CCDC85C: variants seen among roughly 807,000 people sequenced by gnomAD.
The protein encoded by CCDC85C is coiled-coil domain-containing protein 85C.
In CCDC85C, 18 loss-of-function variants were observed where a neutral mutation model predicts 38.3. The ratio of observed to expected loss-of-function variants is 0.47; its 90% CI spans 0.33 to 0.70. The LOEUF is 0.70. Ranked by LOEUF, CCDC85C falls within the 30% of genes least tolerant of loss-of-function variation. CCDC85C has a pLI of 0.03. For synonymous variants in CCDC85C, 264 were observed against 293.8 expected (o/e 0.90, Z 1.04); for missense variants, 566 against 621.2 (o/e 0.91, Z 0.94).
rs570642392 is a variant in CCDC85C, at chr14:99,526,280, C to A, written c.868-4040G>T. ...ACATCCACCCTCAGAGCAATGGGAA[C>A]CTGGGCAGGAAAAAGCCACATGAGC... On this transcript the variant is annotated intron_variant, in intron 2 of 5. Transcript: ENST00000380243. Among the ~76,000 whole-genome samples, 4 of 152,330 alleles carry A rather than the reference C, an allele frequency of 2.6e-5. No homozygotes were observed. The East Asian group carries it at 7.7e-4, about 29-fold the overall frequency.
At chr14:99,534,635 C>T (rs1289293507) in intron 2 of CCDC85C, 1 of 702,260 alleles carries the variant, frequency 1.4e-6, no homozygotes, top group Admixed American at 2.0e-5. Context: ...TAAGCCATGA[C>T]CTTCTCCTGG....
At position 99,533,056 on chromosome 14, in the gene CCDC85C, A is replaced by AC. The variant is rs1206225329; in HGVS notation, c.867+2958dup. 7.2e-5 allele frequency among the ~76,000 whole-genome samples: 11 copies of AC among 152,172 alleles called. No homozygotes were observed. The highest frequency in any genetic ancestry group is 2.7e-4 in the African/African-American group (11 of 41,432). On this transcript the variant is annotated intron_variant, in intron 2 of 5. Coordinates refer to ENST00000380243, the MANE Select transcript of CCDC85C (RefSeq NM_001144995.2). This position sits in a 1 kb window ranked among gnomAD's most constrained non-coding sequence, Gnocchi z 4.2. ...CTCAGCCTCCCAAAGTGCTGGGGTT[A>AC]CAGGTGTGAGCCACCACACCCAGCC...
intron 3 of CCDC85C, among the ~76,000 whole-genome samples, 166 bp downstream of exon 3, chr14:99,521,967 G>A (rs1897308935): frequency 6.6e-6 from 1 of 152,234 alleles, no homozygotes. Flanking sequence ...ACCCACCTGG[G>A]GCTCCGCCTC....
At chr14:99,547,982 A>G (rs975445856) in intron 1 of CCDC85C, among the ~76,000 whole-genome samples, 1 of 152,192 alleles carries the variant, frequency 6.6e-6, no homozygotes, top group Non-Finnish European at 1.5e-5. Context: ...AAACAAAGAG[A>G]ACATTTTAAA....
chr14:99,515,432 C>T, intron 5 of CCDC85C, 97 bp from the exon 6 acceptor site: 1 of 866,646 alleles, frequency 1.2e-6, no homozygotes, highest in East Asian at 2.7e-5. Flanking sequence ...TCACCCACGT[C>T]CTCAGAGCCA....
chr14:99,561,064 G>C (rs1023807163), intron 1 of CCDC85C, among the ~76,000 whole-genome samples: 2 of 152,170 alleles, frequency 1.3e-5, no homozygotes, highest in African/African-American at 4.8e-5. Flanking sequence ...GGGCTCTGCT[G>C]CTCCCTTCGG....
chr14:99,559,861 T>C (rs1333922485), intron 1 of CCDC85C, among the ~76,000 whole-genome samples: 1 of 152,040 alleles, frequency 6.6e-6, no homozygotes, highest in Admixed American at 6.5e-5. Context: ...AGCACACCCC[T>C]GCCCGGGAGA....
In CCDC85C at chr14:99,512,331, C is replaced by T. The variant is rs1229086217; in HGVS notation, c.*2915G>A. Reference sequence around the variant, plus strand: ...GCCGGGCCCGGGGACAGAAACCAGACGTTCCAGTCCATCTCCAAAAAGCAG... The same window carrying T: ...GCCGGGCCCGGGGACAGAAACCAGATGTTCCAGTCCATCTCCAAAAAGCAG... On this transcript the variant is annotated 3_prime_UTR_variant, in exon 6 of 6. Transcript: ENST00000380243. The T allele has an allele frequency of 6.6e-6, 1 of 151,820 alleles. No homozygotes were observed. The highest frequency in any genetic ancestry group is 6.6e-5 in the Admixed American group (1 of 15,232). 9.4% of individuals were successfully genotyped at this position (151,820 alleles called of 1,614,324 possible).
intron 2 of CCDC85C, among the ~76,000 whole-genome samples, chr14:99,530,367 G>A (rs978159172): frequency 3.9e-5 from 6 of 152,148 alleles, no homozygotes; most frequent in African/African-American, 1.4e-4. Flanking sequence ...CGGTATGGCG[G>A]CCAACCCAAG....
Position 99,599,241 on chromosome 14 carries a change from T to C in CCDC85C, c.793+3926A>G, listed in dbSNP as rs148995129. Among the ~76,000 whole-genome samples the C allele has an allele frequency of 4.6e-5, 7 of 152,202 alleles. No homozygotes were observed. The East Asian group carries it at 1.2e-3, about 25-fold the overall frequency. On this transcript the variant is annotated intron_variant, in intron 1 of 5. Coordinates refer to ENST00000380243, the MANE Select transcript of CCDC85C (RefSeq NM_001144995.2). ...CTGTCTCATTTTGAGAAGCTCAAAA[T>C]TTTAATCCGAACTTTAAAAAGTAAA... is the stretch of plus-strand genomic sequence containing the variant.
At chr14:99,593,406 T>G (rs2055109368) in intron 1 of CCDC85C, among the ~76,000 whole-genome samples, 1 of 152,210 alleles carries the variant, frequency 6.6e-6, no homozygotes, top group Admixed American at 6.5e-5. Flanking sequence ...CAAAACAGCC[T>G]AGAAAGGCCT....
intron 2 of CCDC85C, among the ~76,000 whole-genome samples, chr14:99,532,486 A>G (rs1009555333): frequency 6.6e-6 from 1 of 152,224 alleles, no homozygotes; most frequent in Admixed American, 6.5e-5. Context: ...GGCCACATAC[A>G]TAGTAGGTGG....
intron 2 of CCDC85C, among the ~76,000 whole-genome samples, chr14:99,529,472 G>A (rs573373930): frequency 9.3e-4 from 142 of 152,196 alleles, no homozygotes; most frequent in East Asian, 3.5e-3. Flanking sequence ...CTGCAATCTC[G>A]GCTTGCTGCA....
chr14:99,557,778 G>A (rs190725276), intron 1 of CCDC85C, among the ~76,000 whole-genome samples: 105 of 152,252 alleles, frequency 6.9e-4, no homozygotes, highest in Non-Finnish European at 1.2e-3. Flanking sequence ...AGCCAGGTGT[G>A]GTGGTGCACG....
At chr14:99,555,988 G>T (rs759087366) in intron 1 of CCDC85C, among the ~76,000 whole-genome samples, 1 of 152,196 alleles carries the variant, frequency 6.6e-6, no homozygotes, top group East Asian at 1.9e-4. Context: ...CAGCCCGATC[G>T]GCTGATCTTC....
At position 99,568,487 on chromosome 14, in the gene CCDC85C, G is replaced by A. The variant is rs975216375; in HGVS notation, c.794-32399C>T. 2.6e-5 allele frequency among the ~76,000 whole-genome samples: 4 copies of A among 152,012 alleles called. No homozygotes were observed. In the East Asian group the frequency reaches 5.8e-4, roughly 22 times the overall value. ...TATCCCGCCTCCCCAGCTTCCTTGG[G>A]GGGTGGGAGGCAAGCCCTTGCACAC... On this transcript the variant is annotated intron_variant, in intron 1 of 5. Coordinates refer to ENST00000380243, the MANE Select transcript of CCDC85C (RefSeq NM_001144995.2).
intron 1 of CCDC85C, among the ~76,000 whole-genome samples, chr14:99,551,739 G>T (rs950452538): frequency 6.6e-6 from 1 of 152,008 alleles, no homozygotes; most frequent in Non-Finnish European, 1.5e-5. Flanking sequence ...GTGAGCAGGT[G>T]AGTGAGCAAG....
rs1896865492 is a variant in CCDC85C, at chr14:99,502,713, A to G, written c.*12533T>C. ...GTGTAAAATGTAATTGTTGGCTATC[A>G]TTTAGACATCTGCCACCAAATCCTG... On this transcript the variant is annotated 3_prime_UTR_variant, in exon 6 of 6. Coordinates refer to ENST00000380243, the MANE Select transcript of CCDC85C (RefSeq NM_001144995.2). 1 of 1,611,214 alleles carries G rather than the reference A, an allele frequency of 6.2e-7. No homozygotes were observed. Among genetic ancestry groups the G allele is most frequent in the Admixed American group, 1.7e-5 (1 of 59,984 alleles).
At chr14:99,595,205 C>T (rs1049612594) in intron 1 of CCDC85C, among the ~76,000 whole-genome samples, 7 of 152,152 alleles carry the variant, frequency 4.6e-5, no homozygotes, top group Admixed American at 6.5e-5. Context: ...AAATGCCCAC[C>T]GCATGACTTT....
Sources: allele counts gnomAD v4.1 joint callset (sites outside exome capture counted in the v4.1 genomes callset), GRCh38; gene constraint gnomAD v4.1.1; non-coding constraint Gnocchi (gnomAD v3.1); transcripts MANE v1.5; gene names NCBI Gene and HGNC (gene_info 2026-07-23, HGNC 2026-07-21).